Variants in ARHGEF6 observed in about 807,000 individuals in gnomAD.
ARHGEF6 encodes Rac/Cdc42 guanine nucleotide exchange factor 6, also known as rho guanine nucleotide exchange factor 6.
Under a neutral mutation model 70.3 loss-of-function variants are expected in ARHGEF6, and 9 were observed. The observed-to-expected ratio is 0.13, with a 90% CI of 0.08 to 0.22. The LOEUF (loss-of-function observed/expected upper bound fraction) is 0.22. Among genes scored for constraint, ARHGEF6 ranks in the 10% least tolerant of loss-of-function variants. The probability of loss-of-function intolerance (pLI) is 1.00; values close to 1 mark genes in which losing one functional copy is unlikely to be tolerated. For synonymous variants in ARHGEF6, 201 were observed against 207.8 expected (o/e 0.97, Z 0.28); for missense variants, 470 against 563.0 (o/e 0.83, Z 1.67).
chrX:136,700,468 A>G (rs1489762354), intron 9 of ARHGEF6, among the ~76,000 whole-genome samples: 2 of 111,399 alleles, frequency 1.8e-5, no homozygotes, highest in Non-Finnish European at 3.8e-5. Context: ...CAAAGGTTGC[A>G]GTGAGCTGAG....
At chrX:136,767,838 G>GAGCAGC (rs57856447) in intron 2 of ARHGEF6, 53 of 660,471 alleles carry the variant, frequency 8.0e-5, no homozygotes, top group East Asian at 3.3e-4. Flanking sequence ...GGCGCAGGCA[G>GAGCAGC]AGCAGCAGCA....
chrX:136,705,221 G>A (rs1033407468), intron 9 of ARHGEF6, among the ~76,000 whole-genome samples: 1 of 108,121 alleles, frequency 9.2e-6, no homozygotes, highest in African/African-American at 3.4e-5. Context: ...TGAGGCAGGA[G>A]AATCGCTTGA....
intron 6 of ARHGEF6, among the ~76,000 whole-genome samples, chrX:136,729,219 G>A (rs2076906127): frequency 9.3e-6 from 1 of 107,228 alleles, no homozygotes; most frequent in African/African-American, 3.4e-5. Flanking sequence ...TGTAATCCCA[G>A]CGCTTTGGGA....
At chrX:136,763,730 C>T (rs2077285853) in intron 2 of ARHGEF6, among the ~76,000 whole-genome samples, 1 of 111,554 alleles carries the variant, frequency 9.0e-6, no homozygotes, top group Admixed American at 9.5e-5. Context: ...GAAGCTGAGG[C>T]AAGAGAATCG....
chrX:136,746,837 C>T (rs2077099415), intron 3 of ARHGEF6, among the ~76,000 whole-genome samples: 2 of 111,414 alleles, frequency 1.8e-5, no homozygotes, highest in Admixed American at 1.9e-4. Flanking sequence ...TGGATGAGAT[C>T]ACCTGTGGCT....
intron 2 of ARHGEF6, among the ~76,000 whole-genome samples, chrX:136,764,621 T>C (rs1331970589): frequency 3.6e-5 from 4 of 110,941 alleles, no homozygotes; most frequent in Non-Finnish European, 7.6e-5. Context: ...GTCATGATAG[T>C]AGTGCCCCTT....
rs774009862 is a variant in ARHGEF6 at position 136,685,880 on chromosome X, T to C, written c.1246-57A>G. 4.2e-5 allele frequency: 49 copies of C among 1,158,702 alleles called. 1 individual carries two copies. The Admixed American group carries it at 1.1e-3, about 25-fold the overall frequency. On this transcript the variant is annotated intron_variant, in intron 11 of 21. Transcript: ENST00000250617. The stretch of plus-strand genomic sequence containing the variant: ...GGAATTCTTATGAAATAGACTAAAA[T>C]AAGACCAAAGTAAGATGTGGCTTCT...
intron 6 of ARHGEF6, among the ~76,000 whole-genome samples, chrX:136,721,731 G>A (rs2076799594): frequency 9.0e-6 from 1 of 111,400 alleles, no homozygotes; most frequent in Admixed American, 9.5e-5. Context: ...TTAAAAAGTT[G>A]ATCTCATAGA....
intron 9 of ARHGEF6, among the ~76,000 whole-genome samples, chrX:136,699,230 G>A (rs180804086): frequency 6.3e-5 from 7 of 110,753 alleles, no homozygotes; most frequent in African/African-American, 2.3e-4. Context: ...AACAAAAAGG[G>A]AAGAGGAAAC....
At chrX:136,723,180 A>C (rs2076817468) in intron 6 of ARHGEF6, among the ~76,000 whole-genome samples, 1 of 112,102 alleles carries the variant, frequency 8.9e-6, no homozygotes, top group African/African-American at 3.2e-5. Context: ...AATGGATAGA[A>C]GGTTTTTTGG....
At position 136,723,533 on chromosome X, in the gene ARHGEF6, C is replaced by T. The variant is rs1013176488; in HGVS notation, c.732+8569G>A. 3.6e-5 allele frequency among the ~76,000 whole-genome samples: 4 copies of T among 111,469 alleles called. No homozygotes were observed. The East Asian group carries it at 1.1e-3, about 31-fold the overall frequency. On this transcript the variant is annotated intron_variant, in intron 6 of 21. Transcript: ENST00000250617. ...GCACTGATATTCATTTTTTTTAATT[C>T]ATAGAAATGGAGAGAAATGCACTAG...
At chrX:136,765,080 G>A (rs2077300958) in intron 2 of ARHGEF6, among the ~76,000 whole-genome samples, 2 of 111,690 alleles carry the variant, frequency 1.8e-5, no homozygotes, top group African/African-American at 6.5e-5. Context: ...GCAGTGTGAG[G>A]CATCAGTCTG....
At chrX:136,779,560 A>C in intron 1 of ARHGEF6, 63 bp from the exon 2 acceptor site, 33 of 1,013,934 alleles carry the variant, frequency 3.3e-5, no homozygotes, top group Non-Finnish European at 4.0e-5. Context: ...AAGTATACTC[A>C]TCATTTGCTG....
chrX:136,727,386 TTTC>T (rs1791355936), intron 6 of ARHGEF6, among the ~76,000 whole-genome samples: 4 of 75,343 alleles, frequency 5.3e-5, no homozygotes, highest in Non-Finnish European at 7.5e-5. Flanking sequence ...TCTTTCTTTC[TTTC>T]TTTCTTTCTC....
chrX:136,776,709 A>G (rs2077407291), intron 2 of ARHGEF6, among the ~76,000 whole-genome samples: 1 of 111,167 alleles, frequency 9.0e-6, no homozygotes, highest in Non-Finnish European at 1.9e-5. Flanking sequence ...AGATAAATAG[A>G]TGGGACCTAA....
Position 136,770,751 on chromosome X carries a change from T to C in ARHGEF6, c.249+8663A>G, listed in dbSNP as rs193011772. Reference sequence around the variant, plus strand: ...TGGCTCACACCTGTAATCCCAGCACTTTGGGAGGCCAAAGACAGGTGGATC... The same window carrying C: ...TGGCTCACACCTGTAATCCCAGCACCTTGGGAGGCCAAAGACAGGTGGATC... On this transcript the variant is annotated intron_variant, in intron 2 of 21. Coordinates refer to ENST00000250617, the MANE Select transcript of ARHGEF6 (RefSeq NM_004840.3). 1.0e-3 allele frequency among the ~76,000 whole-genome samples: 113 copies of C among 112,877 alleles called. No homozygotes were observed. In the Admixed American group the frequency reaches 0.011, roughly 11 times the overall value.
chrX:136,668,264 C>T, intron 21 of ARHGEF6, 95 bp from the exon 22 acceptor site: 1 of 1,039,121 alleles, frequency 9.6e-7, no homozygotes, highest in Non-Finnish European at 1.3e-6. Context: ...ATCACTGACT[C>T]TCTTTCTTTC....
At chrX:136,717,396 C>T (rs184898935) in intron 6 of ARHGEF6, among the ~76,000 whole-genome samples, 135 of 111,259 alleles carry the variant, frequency 1.2e-3, no homozygotes, top group African/African-American at 4.4e-3. Context: ...AAAGACATAT[C>T]AAGACTTTTT....
chrX:136,717,810 G>A (rs1027030752), intron 6 of ARHGEF6, among the ~76,000 whole-genome samples: 4 of 111,276 alleles, frequency 3.6e-5, no homozygotes, highest in Middle Eastern at 4.3e-3. Flanking sequence ...AAAGTGAACT[G>A]GGACTAGCTA....
Sources: gnomAD v4.1 joint callset for allele counts (sites outside exome capture counted in the v4.1 genomes callset) on GRCh38, gnomAD v4.1.1 for gene constraint, MANE v1.5 for transcripts, NCBI Gene and HGNC (gene_info 2026-07-23, HGNC 2026-07-21) for gene names.